Variants in SETD5 observed in about 807,000 individuals in gnomAD.
SETD5 encodes histone-lysine N-methyltransferase SETD5.
SETD5 carries 44 observed loss-of-function variants against 153.3 expected under a neutral mutation model. That is an observed-to-expected ratio of 0.29 (90% CI 0.23 to 0.37). The LOEUF is 0.37. Among genes scored for constraint, SETD5 ranks in the 10% least tolerant of loss-of-function variants. The pLI is 1.00. For synonymous variants in SETD5, 716 were observed against 645.2 expected (o/e 1.11, Z -1.66); for missense variants, 1,544 against 1,768.0 (o/e 0.87, Z 2.27).
chr3:9,398,415 C>T (rs568165509), intron 1 of SETD5: 3 of 151,444 alleles, frequency 2.0e-5, no homozygotes, highest in East Asian at 2.0e-4. Flanking sequence ...TGACAGACAA[C>T]TCTGATCGCT....
chr3:9,460,711 C>T (rs570636640), intron 17 of SETD5, among the ~76,000 whole-genome samples: 15 of 152,120 alleles, frequency 9.9e-5, no homozygotes, highest in African/African-American at 3.6e-4. Flanking sequence ...TCTACATTTA[C>T]AGAAGATTTT....
At chr3:9,442,372 G>A in intron 10 of SETD5, 127 bp downstream of exon 10, 2 of 689,378 alleles carry the variant, frequency 2.9e-6, no homozygotes, top group Non-Finnish European at 5.0e-6. Flanking sequence ...CATCGTGGGA[G>A]GTGAAAAACA....
chr3:9,433,458 CATGTGAGGTTTCATGGAAGTATTAA>C, intron 3 of SETD5: 1 of 1,289,906 alleles, frequency 7.8e-7, no homozygotes, highest in Non-Finnish European at 1.0e-6. Context: ...CTGCAAATGT[CATGTGAGGTTTCATGGAAGTATTAA>C]GAGATCCAAT....
intron 6 of SETD5, 120 bp from the exon 7 acceptor site, chr3:9,435,608 A>G (rs1380409594): frequency 2.3e-6 from 2 of 868,818 alleles, no homozygotes; most frequent in Non-Finnish European, 3.3e-6. Context: ...TTTACAGATG[A>G]TAAGAGTTAA....
At chr3:9,440,202 C>T (rs1443658019) in intron 7 of SETD5, among the ~76,000 whole-genome samples, 1 of 152,064 alleles carries the variant, frequency 6.6e-6, no homozygotes, top group Non-Finnish European at 1.5e-5. Context: ...AACTATGATC[C>T]AGATTAATTT....
intron 16 of SETD5, among the ~76,000 whole-genome samples, chr3:9,450,664 A>C (rs2042517934): frequency 6.6e-6 from 1 of 152,214 alleles, no homozygotes; most frequent in African/African-American, 2.4e-5. Context: ...AATTGTAATA[A>C]AATTCTGAAA....
chr3:9,475,372 G>T, intron 22 of SETD5, 111 bp from the exon 23 acceptor site: 1 of 1,453,140 alleles, frequency 6.9e-7, no homozygotes, highest in East Asian at 2.3e-5. Flanking sequence ...TTCCTAAAAA[G>T]AATACATGGT....
chr3:9,473,199 A>G (rs1227908346), intron 19 of SETD5, 37 bp from the exon 20 acceptor site: 1 of 1,592,108 alleles, frequency 6.3e-7, no homozygotes, highest in East Asian at 2.2e-5. Flanking sequence ...ATCCAGATAG[A>G]GTACCGTTTT....
intron 1 of SETD5, among the ~76,000 whole-genome samples, chr3:9,413,195 A>G (rs1001272583): frequency 1.8e-4 from 28 of 152,122 alleles, no homozygotes; most frequent in African/African-American, 6.5e-4. Flanking sequence ...GCTATTTCCA[A>G]TCAACAGAAA....
At chr3:9,400,196 G>A (rs2034531783) in intron 1 of SETD5, among the ~76,000 whole-genome samples, 13 of 152,204 alleles carry the variant, frequency 8.5e-5, no homozygotes, top group Admixed American at 8.5e-4. Context: ...CTGGAAACTG[G>A]ATCATGGTTA....
At chr3:9,467,591 C>G (rs1042696069) in intron 18 of SETD5, among the ~76,000 whole-genome samples, 5 of 152,156 alleles carry the variant, frequency 3.3e-5, no homozygotes, top group Non-Finnish European at 2.9e-5. Context: ...CCTACCTCAG[C>G]ATGTGCCTGC....
At position 9,429,024 on chromosome 3, in the gene SETD5, C is replaced by G; in HGVS notation, c.71+15C>G. The stretch of plus-strand genomic sequence containing the variant: ...GCTGGATCAGAGTAAGTGCTACTTT[C>G]TAGGTAGTAGGTACATTATCAGTCT... On this transcript the variant is annotated intron_variant, in intron 3 of 22. Transcript: ENST00000402198. The G allele has an allele frequency of 6.3e-7, 1 of 1,594,936 alleles. No individual in the cohort carries two copies. The highest frequency in any genetic ancestry group is 8.6e-7 in the Non-Finnish European group (1 of 1,164,036).
chr3:9,447,076 C>G lies in SETD5; in HGVS notation c.1551C>G (p.Ala517=), dbSNP rs762880160. ...RRTREDRKVE[A]IMHAFENLEK... is the part of the protein sequence containing the mutation. The stretch of plus-strand genomic sequence containing the variant: ...CCAGGGAAGATAGAAAGGTAGAAGC[C>G]ATCATGCATGCTTTTGAAAACTTAG... The change falls in exon 14 of 23, where the codon GCC becomes GCG. Residue 517 remains alanine (A), a synonymous_variant. Coordinates refer to ENST00000402198, the MANE Select transcript of SETD5 (RefSeq NM_001080517.3). 8.3e-5 allele frequency: 134 copies of G among 1,612,350 alleles called. No individual in the cohort carries two copies. Among genetic ancestry groups the G allele is most frequent in the Non-Finnish European group, 6.5e-5 (77 of 1,178,920 alleles).
chr3:9,473,475 A>G lies in SETD5; in HGVS notation c.3435A>G (p.Pro1145=). 2 of 1,613,912 alleles carry G rather than the reference A, an allele frequency of 1.2e-6. No homozygotes were observed. Among genetic ancestry groups the G allele is most frequent in the East Asian group, 2.2e-5 (1 of 44,886 alleles). Residue 1145 remains proline, a synonymous_variant, in exon 20 of 23, where the codon CCA becomes CCG. Coordinates refer to ENST00000402198, the MANE Select transcript of SETD5 (RefSeq NM_001080517.3). ...TGTCCCATTTGGAGGCGGTAAGCCC[A>G]TCAGATTCCAGAGGCACTTCTTCAT... ...SSMSHLEAVS[P]SDSRGTSSSH...
At chr3:9,417,344 T>G (rs879314202) in intron 1 of SETD5, among the ~76,000 whole-genome samples, 9 of 151,450 alleles carry the variant, frequency 5.9e-5, no homozygotes, top group Admixed American at 1.3e-4. Flanking sequence ...AAAAAGAGGG[T>G]TTTTTCCCTC....
rs189805298 is a variant in SETD5 at position 9,474,840 on chromosome 3, C to T, written c.3632-228C>T. The T allele has an allele frequency of 9.1e-5, 57 of 623,932 alleles. No individual in the cohort carries two copies. In the Middle Eastern group the frequency reaches 3.0e-3, roughly 33 times the overall value. 38.6% of individuals were successfully genotyped at this position (623,932 alleles called of 1,614,324 possible). A position where few individuals can be genotyped will look rare whatever the true frequency, so the allele number is the denominator to read the frequency against. On this transcript the variant is annotated intron_variant, in intron 21 of 22. Transcript: ENST00000402198. ...ATCTCTCCAAAGTCCTGGAAATCTA[C>T]CTCGATGAAGGATGAAGAGAAAGAA...
intron 1 of SETD5, among the ~76,000 whole-genome samples, chr3:9,422,156 T>C (rs1383596027): frequency 6.6e-6 from 1 of 152,204 alleles, no homozygotes; most frequent in Non-Finnish European, 1.5e-5. Context: ...ATTGAGGATA[T>C]TTTTAAGTTA....
At chr3:9,418,548 T>C (rs1326617167) in intron 1 of SETD5, among the ~76,000 whole-genome samples, 1 of 152,010 alleles carries the variant, frequency 6.6e-6, no homozygotes, top group Non-Finnish European at 1.5e-5. Flanking sequence ...GTAGTAGTCT[T>C]AAAAGTGAAT....
In SETD5 at chr3:9,434,279, T is replaced by C; in HGVS notation, c.178-55T>C. On this transcript the variant is annotated intron_variant, in intron 4 of 22. Coordinates refer to ENST00000402198, the MANE Select transcript of SETD5 (RefSeq NM_001080517.3). The surrounding 1 kb of genome is among the most constrained non-coding windows in gnomAD (Gnocchi z 5.6). ...GATTTAAAAAATCTTATTTTCAGGA[T>C]CATAATTACGGAGCCCCTCCTCCTC... 6.2e-7 allele frequency: 1 copy of C among 1,607,674 alleles called. No homozygotes were observed. The highest frequency in any genetic ancestry group is 1.1e-5 in the South Asian group (1 of 90,804).
Sources: allele counts gnomAD v4.1 joint callset (sites outside exome capture counted in the v4.1 genomes callset), GRCh38; gene constraint gnomAD v4.1.1; non-coding constraint Gnocchi (gnomAD v3.1); transcripts MANE v1.5; gene names NCBI Gene and HGNC (gene_info 2026-07-23, HGNC 2026-07-21).